ASTN2: variants seen among roughly 807,000 people sequenced by gnomAD.
ASTN2 encodes astrotactin-2.
A neutral mutation model predicts 139.8 loss-of-function variants in ASTN2; 54 were observed. The observed-to-expected ratio is 0.39, with a 90% CI of 0.31 to 0.48. The LOEUF is 0.48. ASTN2 is among the 20% of genes least tolerant of loss of function. The pLI, the probability that ASTN2 is intolerant of heterozygous loss-of-function variation, is 0.95. For synonymous variants in ASTN2, 756 were observed against 719.5 expected (o/e 1.05, Z -0.81); for missense variants, 1,565 against 1,725.1 (o/e 0.91, Z 1.64).
chr9:116,460,285 G>A (rs1393557832), intron 20 of ASTN2, among the ~76,000 whole-genome samples: 1 of 152,066 alleles, frequency 6.6e-6, no homozygotes, highest in Non-Finnish European at 1.5e-5. Flanking sequence ...GGGTTACAGA[G>A]TTTCTTTTTC....
chr9:116,999,454 C>T (rs958556749), intron 7 of ASTN2, among the ~76,000 whole-genome samples: 3 of 150,630 alleles, frequency 2.0e-5, no homozygotes, highest in Non-Finnish European at 4.4e-5. Flanking sequence ...TACTCAAGGT[C>T]GACTGGCAAA....
chr9:116,933,918 C>T (rs543811825), intron 10 of ASTN2, among the ~76,000 whole-genome samples: 66 of 149,516 alleles, frequency 4.4e-4, no homozygotes, highest in African/African-American at 1.4e-3. Flanking sequence ...GAGGGTACCA[C>T]CAATCAGCCA....
intron 10 of ASTN2, among the ~76,000 whole-genome samples, chr9:116,864,133 A>G (rs1377287314): frequency 6.6e-5 from 10 of 152,186 alleles, no homozygotes; most frequent in Admixed American, 6.5e-4. Context: ...CTCACTGCCT[A>G]ACTCTTAGCT....
chr9:116,893,421 G>A (rs1833811081), intron 10 of ASTN2, among the ~76,000 whole-genome samples: 1 of 152,162 alleles, frequency 6.6e-6, no homozygotes, highest in Admixed American at 6.5e-5. Context: ...GACTGCAGGT[G>A]CCTAAGATTC....
chr9:117,360,955 ATTAT>A (rs1464190261), intron 1 of ASTN2, among the ~76,000 whole-genome samples: 1 of 151,998 alleles, frequency 6.6e-6, no homozygotes, highest in Non-Finnish European at 1.5e-5. Flanking sequence ...AATTGGTGAC[ATTAT>A]TTATTTCTCA....
chr9:117,005,362 C>T (rs1301536625), intron 7 of ASTN2, among the ~76,000 whole-genome samples: 2 of 151,890 alleles, frequency 1.3e-5, no homozygotes, highest in African/African-American at 4.8e-5. Context: ...GCTGGGATTA[C>T]AGGCGAGAGT....
intron 16 of ASTN2, among the ~76,000 whole-genome samples, chr9:116,652,053 G>A (rs1352653002): frequency 1.3e-5 from 2 of 151,996 alleles, no homozygotes; most frequent in Non-Finnish European, 2.9e-5. Flanking sequence ...ATGTAAAGTT[G>A]GGGCCAGGCA....
intron 19 of ASTN2, among the ~76,000 whole-genome samples, chr9:116,588,955 T>C (rs1588044244): frequency 6.6e-6 from 1 of 152,318 alleles, no homozygotes; most frequent in South Asian, 2.1e-4. Flanking sequence ...TCAGTGTAAA[T>C]TGAGGTCAAG....
chr9:117,413,726 C>G (rs898416765), intron 1 of ASTN2, among the ~76,000 whole-genome samples: 1 of 152,154 alleles, frequency 6.6e-6, no homozygotes, highest in Non-Finnish European at 1.5e-5. Context: ...TCTCCTTTTT[C>G]TTGCCTTTAA....
chr9:117,398,450 C>A (rs143371445), intron 1 of ASTN2, among the ~76,000 whole-genome samples: 1 of 152,156 alleles, frequency 6.6e-6, no homozygotes, highest in Non-Finnish European at 1.5e-5. Flanking sequence ...GAGTGGAGCA[C>A]CTCTGTAACA....
rs536806283 is a variant in ASTN2, at chr9:116,496,293, GA to G, written c.3356-8794del. Reference sequence around the variant, plus strand: ...TTCCATAAATATTTATATAGTGAGTGAATGTATCTGTTGTGTGCTTCAAACT... The same window carrying G: ...TTCCATAAATATTTATATAGTGAGTGATGTATCTGTTGTGTGCTTCAAACT... On this transcript the variant is annotated intron_variant, in intron 19 of 22. Transcript: ENST00000313400. Among the ~76,000 whole-genome samples the G allele has an allele frequency of 2.4e-4, 37 of 152,298 alleles. No homozygotes were observed. In the South Asian group the frequency reaches 7.7e-3, roughly 32 times the overall value.
chr9:117,232,304 A>C (rs1465496026), intron 2 of ASTN2, among the ~76,000 whole-genome samples: 1 of 152,112 alleles, frequency 6.6e-6, no homozygotes, highest in East Asian at 1.9e-4. Flanking sequence ...GATCAAGATA[A>C]ATTTCCCCCA....
chr9:116,926,878 T>A (rs1381385632), intron 10 of ASTN2, among the ~76,000 whole-genome samples: 1 of 152,162 alleles, frequency 6.6e-6, no homozygotes, highest in Non-Finnish European at 1.5e-5. Context: ...ATTAGTTGCA[T>A]GCAATTAAAT....
intron 1 of ASTN2, among the ~76,000 whole-genome samples, chr9:117,332,768 T>C (rs1023601033): frequency 1.3e-5 from 2 of 152,194 alleles, no homozygotes; most frequent in Non-Finnish European, 1.5e-5. Context: ...CATCATCTAA[T>C]GAACATTCAG....
At chr9:116,436,970 A>G (rs1847672560) in intron 22 of ASTN2, among the ~76,000 whole-genome samples, 1 of 151,544 alleles carries the variant, frequency 6.6e-6, no homozygotes, top group Non-Finnish European at 1.5e-5. Context: ...CAAAAAACCA[A>G]ACACCACATA....
At chr9:117,348,882 CA>C (rs58386335) in intron 1 of ASTN2, among the ~76,000 whole-genome samples, 17 of 130,400 alleles carry the variant, frequency 1.3e-4, no homozygotes, top group South Asian at 2.6e-4. Flanking sequence ...TGTCTCTGTC[CA>C]AAAAAAAAAA....
intron 10 of ASTN2, among the ~76,000 whole-genome samples, chr9:116,925,184 A>T (rs1414368205): frequency 6.6e-6 from 1 of 152,132 alleles, no homozygotes; most frequent in Admixed American, 6.6e-5. Flanking sequence ...ATTTTAGTAC[A>T]CTCTGCTCAG....
At chr9:116,688,879 G>GAA (rs34641332) in intron 16 of ASTN2, among the ~76,000 whole-genome samples, 1 of 146,918 alleles carries the variant, frequency 6.8e-6, no homozygotes, top group Non-Finnish European at 1.5e-5. Context: ...ACAACCACCA[G>GAA]AAAAAAAAAA....
intron 10 of ASTN2, among the ~76,000 whole-genome samples, chr9:116,972,253 G>T (rs1836231066): frequency 6.6e-6 from 1 of 151,770 alleles, no homozygotes; most frequent in Admixed American, 6.6e-5. Context: ...TTTTGTGTCT[G>T]GTTTCCAAAA....
Sources: allele counts gnomAD v4.1 joint callset (sites outside exome capture counted in the v4.1 genomes callset), GRCh38; gene constraint gnomAD v4.1.1; transcripts MANE v1.5; gene names NCBI Gene and HGNC (gene_info 2026-07-23, HGNC 2026-07-21).